Variants in DPH6 observed in about 807,000 individuals in gnomAD.
DPH6 encodes the protein diphthine--ammonia ligase.
In DPH6, 33 loss-of-function variants were observed where a neutral mutation model predicts 38.2. The observed-to-expected ratio is 0.86, with a 90% CI of 0.65 to 1.15. DPH6 has a LOEUF of 1.15. Among genes scored for constraint, DPH6 ranks in the 50% most tolerant of loss-of-function variants. DPH6 has a pLI of 0.00. For missense variants in DPH6, 325 were observed against 320.0 expected, an observed-to-expected ratio of 1.02 and a Z score of -0.12; for synonymous variants, 108 against 103.0, an observed-to-expected ratio of 1.05 and a Z score of -0.30.
At chr15:35,302,481 C>A (rs961850865) in intron 3 of DPH6, among the ~76,000 whole-genome samples, 6 of 152,054 alleles carry the variant, frequency 3.9e-5, no homozygotes, top group African/African-American at 1.4e-4. Flanking sequence ...TGTTAATAGA[C>A]TAGAAAATTG....
At chr15:35,192,083 T>C in the DPH6 span, among the ~76,000 whole-genome samples, 2 of 152,226 alleles carry the variant, frequency 1.3e-5, no homozygotes, top group African/African-American at 4.8e-5. Flanking sequence ...TTGTGATCTC[T>C]GATAAAGCTG....
intron 3 of DPH6, among the ~76,000 whole-genome samples, chr15:35,481,518 T>C (rs922823407): frequency 2.6e-5 from 4 of 152,188 alleles, no homozygotes; most frequent in Non-Finnish European, 4.4e-5. Flanking sequence ...GTGAGATATC[T>C]GTAAAACAAT....
At chr15:35,429,240 A>G (rs2053604129) in intron 5 of DPH6, among the ~76,000 whole-genome samples, 1 of 152,178 alleles carries the variant, frequency 6.6e-6, no homozygotes, top group African/African-American at 2.4e-5. Flanking sequence ...ATACTGTCAT[A>G]AAACCTCTAT....
intron 3 of DPH6, among the ~76,000 whole-genome samples, chr15:35,484,368 A>G (rs1224010513): frequency 1.3e-5 from 2 of 152,342 alleles, no homozygotes; most frequent in African/African-American, 2.4e-5. Context: ...GTGTAGCTGG[A>G]TATCTCTGGT....
intron 3 of DPH6, among the ~76,000 whole-genome samples, chr15:35,523,659 T>C (rs1361506945): frequency 6.6e-6 from 1 of 152,140 alleles, no homozygotes; most frequent in East Asian, 1.9e-4. Context: ...ACTGTTCTGT[T>C]ATTCCAAGGA....
At chr15:35,261,452 C>T (rs1455275476) in intron 3 of DPH6, among the ~76,000 whole-genome samples, 2 of 152,100 alleles carry the variant, frequency 1.3e-5, no homozygotes, top group Admixed American at 6.6e-5. Flanking sequence ...AATTATTTGG[C>T]ATAAACTTTA....
At chr15:35,296,804 C>CTTTTTTTTTT (rs772132282) in intron 3 of DPH6, among the ~76,000 whole-genome samples, 2 of 127,332 alleles carry the variant, frequency 1.6e-5, no homozygotes, top group Admixed American at 7.9e-5. Flanking sequence ...GGCCTGGCTT[C>CTTTTTTTTTT]TTTTTTTTTT....
chr15:35,272,855 C>G (rs1323514470), intron 3 of DPH6, among the ~76,000 whole-genome samples: 1 of 151,572 alleles, frequency 6.6e-6, no homozygotes, highest in East Asian at 1.9e-4. Context: ...TGCAGTGAGC[C>G]GAGATCGCAC....
At chr15:35,329,552 G>A (rs971616994), downstream of DPH6, among the ~76,000 whole-genome samples, 1 of 152,128 alleles carries the variant, frequency 6.6e-6, no homozygotes, top group South Asian at 2.1e-4. Context: ...AAGGTTAAAA[G>A]GACTTCTGTA....
At chr15:35,219,578 C>G (rs1004141162) in exon 4 of DPH6, 2 of 152,122 alleles carry the variant, frequency 1.3e-5, no homozygotes, top group African/African-American at 4.8e-5. Flanking sequence ...GAAAACAGAG[C>G]AAACGTTCTG....
chr15:35,338,440 A>G (rs1208825146), intron 3 of DPH6, among the ~76,000 whole-genome samples: 2 of 152,276 alleles, frequency 1.3e-5, no homozygotes, highest in African/African-American at 4.8e-5. Flanking sequence ...AATGCTCACC[A>G]TCACTGGCCA....
intron 3 of DPH6, among the ~76,000 whole-genome samples, chr15:35,228,398 T>A (rs969606935): frequency 2.0e-5 from 3 of 152,220 alleles, no homozygotes; most frequent in African/African-American, 7.2e-5. Context: ...TCTGTGTTTT[T>A]CTGTGTACTT....
At chr15:35,508,266 A>T (rs74010316) in intron 3 of DPH6, among the ~76,000 whole-genome samples, 2,675 of 152,270 alleles carry the variant, frequency 0.018, 74 homozygotes, top group African/African-American at 0.061. Context: ...TGCCTGAGAC[A>T]TTCCATTTAA....
chr15:35,355,991 T>C (rs887283816), intron 3 of DPH6, among the ~76,000 whole-genome samples: 1 of 152,244 alleles, frequency 6.6e-6, no homozygotes, highest in South Asian at 2.1e-4. Flanking sequence ...TTCTTTTTAT[T>C]CTTTTTTCTC....
chr15:35,309,724 GTTGT>G (rs1398013582), intron 3 of DPH6, among the ~76,000 whole-genome samples: 1 of 152,220 alleles, frequency 6.6e-6, no homozygotes, highest in Non-Finnish European at 1.5e-5. Context: ...AATTCATTAA[GTTGT>G]TTATTTTCTG....
intron 6 of DPH6, among the ~76,000 whole-genome samples, chr15:35,393,050 A>G (rs1846309348): frequency 6.6e-6 from 1 of 152,224 alleles, no homozygotes; most frequent in African/African-American, 2.4e-5. Flanking sequence ...TCCTAAGGTC[A>G]GAGAGAACCC....
intron 3 of DPH6, among the ~76,000 whole-genome samples, chr15:35,302,080 A>G (rs1021150213): frequency 1.6e-4 from 25 of 152,198 alleles, no homozygotes; most frequent in African/African-American, 6.0e-4. Flanking sequence ...ATATGCATAC[A>G]AAGGAAATAT....
chr15:35,238,194 G>A, intron 3 of DPH6: 2 of 461,608 alleles, frequency 4.3e-6, no homozygotes, highest in Non-Finnish European at 7.9e-6. Flanking sequence ...GGGAACGAGA[G>A]GGGAAAGGTG....
intron 3 of DPH6, among the ~76,000 whole-genome samples, chr15:35,336,248 A>G (rs1273662066): frequency 6.6e-6 from 1 of 151,994 alleles, no homozygotes. Context: ...TCTCCTGGAT[A>G]ATATCCTGCA....
Sources: gnomAD v4.1 joint callset for allele counts (sites outside exome capture counted in the v4.1 genomes callset) on GRCh38, gnomAD v4.1.1 for gene constraint, MANE v1.5 for transcripts, NCBI Gene and HGNC (gene_info 2026-07-23, HGNC 2026-07-21) for gene names.